Variants in TASP1 observed in about 807,000 individuals in gnomAD.
TASP1 encodes threonine aspartase 1.
Under a neutral mutation model 56.6 loss-of-function variants are expected in TASP1, and 16 were observed. The observed-to-expected ratio is 0.28, with a 90% CI of 0.19 to 0.43. The LOEUF (loss-of-function observed/expected upper bound fraction) is 0.43, where lower values mean the gene tolerates loss of function less well. Ranked by LOEUF, TASP1 falls within the 20% of genes least tolerant of loss-of-function variation. The pLI is 1.00. For missense variants in TASP1, 393 were observed against 511.6 expected, an observed-to-expected ratio of 0.77 and a Z score of 2.24; for synonymous variants, 179 against 184.2, an observed-to-expected ratio of 0.97 and a Z score of 0.23.
intron 13 of TASP1, among the ~76,000 whole-genome samples, chr20:13,397,648 G>C (rs1190224422): frequency 6.6e-6 from 1 of 152,120 alleles, no homozygotes; most frequent in Non-Finnish European, 1.5e-5. Flanking sequence ...GAAAGCTACT[G>C]GAACAAATCT....
the TASP1 span, chr20:13,221,786 C>T: frequency 6.9e-7 from 1 of 1,450,718 alleles, no homozygotes; most frequent in Non-Finnish European, 9.0e-7. Flanking sequence ...GATGGTGCGC[C>T]TGGCGGCCGA....
At chr20:13,342,788 C>T in the TASP1 span, among the ~76,000 whole-genome samples, 1 of 152,180 alleles carries the variant, frequency 6.6e-6, no homozygotes, top group African/African-American at 2.4e-5. Context: ...CCCTTCTGGA[C>T]TGGGTTAAGG....
the TASP1 span, among the ~76,000 whole-genome samples, chr20:13,149,786 G>C: frequency 9.8e-5 from 15 of 152,370 alleles, no homozygotes; most frequent in Non-Finnish European, 2.2e-4. Context: ...TGATGATCCA[G>C]TTTCTTGGGT....
chr20:13,564,721 G>A (rs1432837797), intron 7 of TASP1, among the ~76,000 whole-genome samples: 1 of 152,006 alleles, frequency 6.6e-6, no homozygotes, highest in East Asian at 1.9e-4. Flanking sequence ...CAGTATGGAG[G>A]CTGGGCGTGG....
intron 12 of TASP1, among the ~76,000 whole-genome samples, chr20:13,420,561 A>G (rs1360533614): frequency 6.6e-6 from 1 of 152,250 alleles, no homozygotes; most frequent in African/African-American, 2.4e-5. Context: ...GAAATTGTCT[A>G]GAATTTAAAT....
chr20:13,252,826 C>T, the TASP1 span, among the ~76,000 whole-genome samples: 1 of 152,102 alleles, frequency 6.6e-6, no homozygotes, highest in Non-Finnish European at 1.5e-5. Context: ...CTGAAGGAAA[C>T]TGTTTTTCTC....
chr20:13,473,035 C>CAA (rs977519498), intron 11 of TASP1, among the ~76,000 whole-genome samples: 80 of 152,028 alleles, frequency 5.3e-4, no homozygotes, highest in Non-Finnish European at 1.1e-3. Flanking sequence ...GACACATGCA[C>CAA]ACATACGTTT....
intron 12 of TASP1, among the ~76,000 whole-genome samples, chr20:13,422,083 C>G (rs149045781): frequency 0.042 from 6,331 of 151,302 alleles, 172 homozygotes; most frequent in African/African-American, 0.073. Context: ...TCCCTAGTAG[C>G]TCGGACTACA....
At chr20:13,636,578 C>A (rs573292128) in intron 1 of TASP1, among the ~76,000 whole-genome samples, 1 of 152,024 alleles carries the variant, frequency 6.6e-6, no homozygotes, top group African/African-American at 2.4e-5. Context: ...AACTTTCTAC[C>A]AAAATAACTA....
the TASP1 span, among the ~76,000 whole-genome samples, chr20:13,311,005 C>T: frequency 1.3e-5 from 2 of 152,254 alleles, no homozygotes; most frequent in African/African-American, 2.4e-5. Context: ...ACCAACCTGG[C>T]CATCATGGTG....
At chr20:13,594,875 A>C (rs990677389) in intron 4 of TASP1, among the ~76,000 whole-genome samples, 2 of 152,214 alleles carry the variant, frequency 1.3e-5, no homozygotes, top group African/African-American at 4.8e-5. Flanking sequence ...AATACAGAGA[A>C]CACCACAAAG....
chr20:13,434,992 T>C, intron 12 of TASP1, 52 bp downstream of exon 12: 1 of 1,380,176 alleles, frequency 7.2e-7, no homozygotes, highest in Non-Finnish European at 9.9e-7. Context: ...ATTTTCATTT[T>C]TTCTTGGAAA....
intron 13 of TASP1, among the ~76,000 whole-genome samples, chr20:13,416,934 G>T (rs1027183696): frequency 8.5e-5 from 13 of 152,168 alleles, no homozygotes; most frequent in African/African-American, 3.1e-4. Flanking sequence ...CTTTAATTCT[G>T]CCCATGAAGA....
chr20:13,346,015 C>T, the TASP1 span, among the ~76,000 whole-genome samples: 1 of 151,764 alleles, frequency 6.6e-6, no homozygotes, highest in Non-Finnish European at 1.5e-5. Flanking sequence ...GGCTACTGCC[C>T]ATTTGACAGG....
intron 10 of TASP1, among the ~76,000 whole-genome samples, chr20:13,493,284 G>A (rs2043604423): frequency 6.6e-6 from 1 of 152,160 alleles, no homozygotes; most frequent in Admixed American, 6.6e-5. Flanking sequence ...GCTCTTCTGG[G>A]TGTGTCTGTG....
intron 10 of TASP1, among the ~76,000 whole-genome samples, chr20:13,496,891 T>C (rs6131483): frequency 0.35 from 53,913 of 152,002 alleles, 10,365 homozygotes; most frequent in Non-Finnish European, 0.43. Context: ...CCAAAAAAGA[T>C]AAGCCTTTCC....
At chr20:13,636,439 C>T (rs2049313716) in intron 1 of TASP1, among the ~76,000 whole-genome samples, 2 of 151,352 alleles carry the variant, frequency 1.3e-5, no homozygotes, top group African/African-American at 2.4e-5. Context: ...GGATTACAGG[C>T]GTGAGCCACC....
chr20:13,506,195 A>G (rs1241423372), intron 10 of TASP1, among the ~76,000 whole-genome samples: 1 of 150,502 alleles, frequency 6.6e-6, no homozygotes, highest in African/African-American at 2.5e-5. Context: ...ACATTGAATC[A>G]TGAAGAAAAA....
At chr20:13,297,473 T>A in the TASP1 span, among the ~76,000 whole-genome samples, 5 of 152,224 alleles carry the variant, frequency 3.3e-5, no homozygotes, top group African/African-American at 1.2e-4. Flanking sequence ...TTCACTGGAA[T>A]CTTTTTGTCT....
Sources: gnomAD v4.1 joint callset for allele counts (sites outside exome capture counted in the v4.1 genomes callset) on GRCh38, gnomAD v4.1.1 for gene constraint, MANE v1.5 for transcripts, NCBI Gene and HGNC (gene_info 2026-07-23, HGNC 2026-07-21) for gene names.